Variants in SLC45A2 observed in about 807,000 individuals in gnomAD.
SLC45A2 encodes the protein solute carrier family 45 member 2, also known as membrane-associated transporter protein.
A neutral mutation model predicts 45.5 loss-of-function variants in SLC45A2; 36 were observed. The observed-to-expected ratio is 0.79, with a 90% CI of 0.61 to 1.04. The LOEUF (loss-of-function observed/expected upper bound fraction) is 1.04. SLC45A2 is among the 50% of genes least tolerant of loss of function. The pLI, the probability that SLC45A2 is intolerant of heterozygous loss-of-function variation, is 0.00. For missense variants in SLC45A2, 719 were observed against 671.0 expected, an observed-to-expected ratio of 1.07 and a Z score of -0.79; for synonymous variants, 306 against 269.3, an observed-to-expected ratio of 1.14 and a Z score of -1.33.
At position 33,944,803 on chromosome 5, in the gene SLC45A2, T is replaced by C; in HGVS notation, c.1438A>G (p.Thr480Ala). 1 of 1,614,212 alleles carries C rather than the reference T, an allele frequency of 6.2e-7. No homozygotes were observed. The highest frequency in any genetic ancestry group is 8.5e-7 in the Non-Finnish European group (1 of 1,180,022). The change falls in exon 7 of 7, where the codon ACA becomes GCA. Residue 480 changes from threonine (T) to alanine (A), a missense_variant. Thr to Ala is a moderately conservative substitution (Grantham distance 58). Coordinates refer to ENST00000296589, the MANE Select transcript of SLC45A2 (RefSeq NM_016180.5). ...ATCTGAGCCAGCTGCACCATGCATG[T>C]GAGGGTGGCGCAGTCCATGCCCTTC... The part of the protein sequence containing the change: ...RGKGMDCATL[T>A]CMVQLAQILV...
intron 1 of SLC45A2, among the ~76,000 whole-genome samples, chr5:33,983,143 T>C (rs1283849441): frequency 6.6e-6 from 1 of 152,244 alleles, no homozygotes; most frequent in Non-Finnish European, 1.5e-5. Context: ...GGCCACATCT[T>C]TGAACAGCAC....
At chr5:33,961,621 C>T (rs1752459111) in intron 3 of SLC45A2, among the ~76,000 whole-genome samples, 1 of 152,072 alleles carries the variant, frequency 6.6e-6, no homozygotes, top group East Asian at 1.9e-4. Flanking sequence ...ACAATCCTTC[C>T]CTCTTTAAAA....
chr5:33,961,752 C>T (rs990647334), intron 3 of SLC45A2, among the ~76,000 whole-genome samples: 1 of 152,164 alleles, frequency 6.6e-6, no homozygotes, highest in Non-Finnish European at 1.5e-5. Context: ...ATCCACTGTT[C>T]CTGTTCCTGC....
intron 3 of SLC45A2, among the ~76,000 whole-genome samples, chr5:33,956,096 T>C (rs887268463): frequency 6.6e-6 from 1 of 152,200 alleles, no homozygotes; most frequent in African/African-American, 2.4e-5. Flanking sequence ...TATGCCCTAA[T>C]TGAAGAGGAC....
intron 3 of SLC45A2, among the ~76,000 whole-genome samples, chr5:33,960,417 T>C (rs1007383288): frequency 2.0e-5 from 3 of 152,000 alleles, no homozygotes; most frequent in African/African-American, 7.3e-5. Context: ...TATGATGGAA[T>C]ACTACTCAGC....
At chr5:33,950,750 T>C (rs567315513) in intron 5 of SLC45A2, among the ~76,000 whole-genome samples, 1 of 152,366 alleles carries the variant, frequency 6.6e-6, no homozygotes, top group East Asian at 1.9e-4. Flanking sequence ...CCCAGAGCCC[T>C]GAATTGGGGG....
At chr5:33,977,697 A>T (rs761810086) in intron 2 of SLC45A2, among the ~76,000 whole-genome samples, 7 of 152,176 alleles carry the variant, frequency 4.6e-5, no homozygotes, top group Non-Finnish European at 8.8e-5. Context: ...GTGGTAGAGG[A>T]GTGAGGGATG....
intron 4 of SLC45A2, among the ~76,000 whole-genome samples, chr5:33,952,455 C>T (rs7380120): frequency 0.99 from 149,446 of 151,660 alleles, 73,671 homozygotes; most frequent in East Asian, 1. Flanking sequence ...GATGCATTTA[C>T]GTGTCCTATT....
chr5:33,956,449 A>T (rs1752278558), intron 3 of SLC45A2, among the ~76,000 whole-genome samples: 1 of 65,396 alleles, frequency 1.5e-5, no homozygotes, highest in Non-Finnish European at 1.6e-4. Flanking sequence ...AAAGACCATG[A>T]CAACAGTTTT....
intron 1 of SLC45A2, 63 bp from the exon 2 acceptor site, chr5:33,982,475 T>G: frequency 6.6e-7 from 1 of 1,517,098 alleles, no homozygotes. Flanking sequence ...GTTTTGTAAT[T>G]TCCACCTAAA....
intron 2 of SLC45A2, among the ~76,000 whole-genome samples, chr5:33,974,049 A>G (rs1752857640): frequency 6.6e-6 from 1 of 152,232 alleles, no homozygotes; most frequent in Non-Finnish European, 1.5e-5. Context: ...TAAGAACAGC[A>G]AAGTCTTGGG....
rs1286414588 is a variant in SLC45A2 at position 33,947,291 on chromosome 5, A to G, written c.1240T>C (p.Phe414Leu). ...GYLLFGLGTG[F>L]IGLFPNVYST... Reference sequence around the variant, plus strand: ...TAGACATTCGGGAAGAGCCCAATAAATCCCGTCCCCAGGCCAAACAGCAAA... The same window carrying G: ...TAGACATTCGGGAAGAGCCCAATAAGTCCCGTCCCCAGGCCAAACAGCAAA... Residue 414 changes from phenylalanine to leucine, a missense_variant, in exon 6 of 7, where the codon TTT becomes CTT. Coordinates refer to ENST00000296589, the MANE Select transcript of SLC45A2 (RefSeq NM_016180.5). 6.2e-7 allele frequency: 1 copy of G among 1,614,220 alleles called. No homozygotes were observed. The highest frequency in any genetic ancestry group is 8.5e-7 in the Non-Finnish European group (1 of 1,180,040).
At chr5:33,961,810 C>T (rs551063696) in intron 3 of SLC45A2, among the ~76,000 whole-genome samples, 2 of 152,266 alleles carry the variant, frequency 1.3e-5, no homozygotes, top group South Asian at 4.1e-4. Context: ...TACCCCTTTC[C>T]TGGCTGTTCC....
intron 5 of SLC45A2, among the ~76,000 whole-genome samples, chr5:33,950,085 T>A (rs1752055575): frequency 6.6e-6 from 1 of 151,920 alleles, no homozygotes; most frequent in Middle Eastern, 3.2e-3. Context: ...TGGTCCCGGG[T>A]ACTCAGAGGG....
chr5:33,955,694 T>C (rs557649829), intron 3 of SLC45A2, among the ~76,000 whole-genome samples: 1 of 152,206 alleles, frequency 6.6e-6, no homozygotes, highest in South Asian at 2.1e-4. Context: ...AATATGTTAA[T>C]GGAAAATGCA....
intron 2 of SLC45A2, among the ~76,000 whole-genome samples, chr5:33,980,724 C>A (rs992177638): frequency 6.6e-6 from 1 of 151,906 alleles, no homozygotes; most frequent in African/African-American, 2.4e-5. Flanking sequence ...GAGAGAGAGA[C>A]AGATGATAGA....
chr5:33,962,830 C>A lies in SLC45A2; in HGVS notation c.888+861G>T, dbSNP rs377094661. ...TAACACAAGTCAGCAGCTAGAGGAA[C>A]CAAGATTTGAACTTAAGTCTTCTAC... is the stretch of plus-strand genomic sequence containing the variant. On this transcript the variant is annotated intron_variant, in intron 3 of 6. Coordinates refer to ENST00000296589, the MANE Select transcript of SLC45A2 (RefSeq NM_016180.5). 1.1e-4 allele frequency among the ~76,000 whole-genome samples: 16 copies of A among 152,290 alleles called. 2 individuals carry two copies. The highest frequency in any genetic ancestry group is 4.1e-4 in the South Asian group (2 of 4,826).
chr5:33,951,214 G>T (rs1160529836), intron 5 of SLC45A2, among the ~76,000 whole-genome samples: 1 of 152,144 alleles, frequency 6.6e-6, no homozygotes, highest in Non-Finnish European at 1.5e-5. Flanking sequence ...TCTATGAAAT[G>T]CTACCAATGA....
In SLC45A2 at chr5:33,959,449, C is replaced by T. The variant is rs114048710; in HGVS notation, c.888+4242G>A. 7.2e-3 allele frequency among the ~76,000 whole-genome samples: 1,095 copies of T among 152,174 alleles called. 10 individuals are homozygous for T. Among genetic ancestry groups the T allele is most frequent in the Non-Finnish European group, 0.011 (772 of 68,000 alleles). ...AGTACAAGTATTCTCCTCCAGGCAG[C>T]CTGGTGTAGGGAAAGGGGGTTGAGT... On this transcript the variant is annotated intron_variant, in intron 3 of 6. Transcript: ENST00000296589.
Sources: gnomAD v4.1 joint callset for allele counts (sites outside exome capture counted in the v4.1 genomes callset) on GRCh38, gnomAD v4.1.1 for gene constraint, MANE v1.5 for transcripts, NCBI Gene and HGNC (gene_info 2026-07-23, HGNC 2026-07-21) for gene names.